SLC1A2: variants seen among roughly 807,000 people sequenced by gnomAD.
The protein encoded by SLC1A2 is solute carrier family 1 member 2, also known as excitatory amino acid transporter 2.
A neutral mutation model predicts 48.8 loss-of-function variants in SLC1A2; 15 were observed. That is an observed-to-expected ratio of 0.31 (90% CI 0.21 to 0.47). SLC1A2 has a LOEUF of 0.47. SLC1A2 is among the 20% of genes least tolerant of loss of function. SLC1A2 has a pLI of 0.99. For missense variants in SLC1A2, 502 were observed against 730.5 expected (o/e 0.69, Z 3.61); for synonymous variants, 279 against 272.6 (o/e 1.02, Z -0.23).
chr11:35,323,963 G>A (rs550625355), intron 1 of SLC1A2, among the ~76,000 whole-genome samples: 1 of 152,300 alleles, frequency 6.6e-6, no homozygotes, highest in African/African-American at 2.4e-5. Flanking sequence ...CAGTCAAACA[G>A]GTAAACTGGC....
chr11:35,315,005 C>T lies in SLC1A2; in HGVS notation c.310+18G>A, dbSNP rs949441092. 1.9e-6 allele frequency: 3 copies of T among 1,601,062 alleles called. No homozygotes were observed. The African/African-American group carries it at 4.0e-5, about 21-fold the overall frequency. ...GAGTATGACCCATGTTAGCCAGGCA[C>T]TAGTGAGGTAGTCTTACCTGTGATT... On this transcript the variant is annotated intron_variant, in intron 3 of 10. Transcript: ENST00000278379.
intron 9 of SLC1A2, among the ~76,000 whole-genome samples, chr11:35,273,036 T>C (rs1850328719): frequency 6.6e-6 from 1 of 152,218 alleles, no homozygotes. Flanking sequence ...CTGAGGGAGC[T>C]GTCACCCACA....
At chr11:35,394,052 C>A (rs926561692) in intron 1 of SLC1A2, among the ~76,000 whole-genome samples, 11 of 152,148 alleles carry the variant, frequency 7.2e-5, no homozygotes, top group African/African-American at 2.7e-4. Context: ...CCTCCCTTGG[C>A]AATTTTCAAG....
chr11:35,413,008 T>C (rs1468961505), intron 1 of SLC1A2, among the ~76,000 whole-genome samples: 1 of 151,798 alleles, frequency 6.6e-6, no homozygotes, highest in Non-Finnish European at 1.5e-5. Flanking sequence ...GCTTGAAAGA[T>C]CTTTTTTTTT....
rs1338154597 is a variant in SLC1A2 at position 35,254,541 on chromosome 11, A to G, written c.*6353T>C. On this transcript the variant is annotated 3_prime_UTR_variant, in exon 11 of 11. Transcript: ENST00000278379. ...GTATTTGCCCCCTAGCAAAGGCAAC[A>G]GGCTGTTTCCAGGCAGGCAAAATGG... The G allele has an allele frequency of 6.8e-6, 2 of 295,340 alleles. No individual in the cohort carries two copies. The highest frequency in any genetic ancestry group is 4.5e-5 in the African/African-American group (2 of 44,798). 18.3% of individuals were successfully genotyped at this position (295,340 alleles called of 1,614,324 possible).
At chr11:35,263,094 A>C (rs185384098) in intron 10 of SLC1A2, among the ~76,000 whole-genome samples, 1 of 152,268 alleles carries the variant, frequency 6.6e-6, no homozygotes, top group East Asian at 1.9e-4. Flanking sequence ...ACAAAGCCTT[A>C]CTCCTAATGA....
chr11:35,337,765 T>C lies in SLC1A2; in HGVS notation c.18-20249A>G, dbSNP rs192071462. Among the ~76,000 whole-genome samples, 285 of 152,270 alleles carry C rather than the reference T, an allele frequency of 1.9e-3. 1 individual carries two copies. Among genetic ancestry groups the C allele is most frequent in the Admixed American group, 5.8e-3 (89 of 15,294 alleles). On this transcript the variant is annotated intron_variant, in intron 1 of 10. Coordinates refer to ENST00000278379, the MANE Select transcript of SLC1A2 (RefSeq NM_004171.4). The stretch of plus-strand genomic sequence containing the variant: ...CTTATCTGAGCCTAAGACTCATCTA[T>C]AAAATGAGATGTTTGAGTTGGATGC...
At position 35,252,030 on chromosome 11, in the gene SLC1A2, A is replaced by G. The variant is rs1950246195; in HGVS notation, c.*8864T>C. ...TAGGTAGAGAACGTCATACTCCCTCATATATGTGGGACCTGTGTTCATCAG... is the reference window on the plus strand; with the variant it reads ...TAGGTAGAGAACGTCATACTCCCTCGTATATGTGGGACCTGTGTTCATCAG... On this transcript the variant is annotated 3_prime_UTR_variant, in exon 11 of 11. Transcript: ENST00000278379. The G allele has an allele frequency of 6.6e-6, 1 of 152,592 alleles. No homozygotes were observed. The highest frequency in any genetic ancestry group is 6.6e-5 in the Admixed American group (1 of 15,254). 9.5% of individuals were successfully genotyped at this position (152,592 alleles called of 1,614,324 possible).
chr11:35,265,319 A>G, intron 10 of SLC1A2: 1 of 559,690 alleles, frequency 1.8e-6, no homozygotes, highest in Non-Finnish European at 3.1e-6. Context: ...CAACTGATTG[A>G]CTCTTTCTCC....
chr11:35,353,547 G>T (rs1192028921), intron 1 of SLC1A2, among the ~76,000 whole-genome samples: 2 of 152,180 alleles, frequency 1.3e-5, no homozygotes, highest in African/African-American at 4.8e-5. Flanking sequence ...GCACAATAGG[G>T]TTTCCAATAA....
intron 9 of SLC1A2, among the ~76,000 whole-genome samples, chr11:35,277,238 T>C (rs1850469338): frequency 6.6e-6 from 1 of 152,184 alleles, no homozygotes; most frequent in African/African-American, 2.4e-5. Flanking sequence ...TCTCCAACCG[T>C]TCCAACTCTG....
chr11:35,404,485 G>A (rs1590281844), intron 1 of SLC1A2: 1 of 152,242 alleles, frequency 6.6e-6, no homozygotes, highest in East Asian at 1.9e-4. Context: ...TGTAGCCTTG[G>A]CCTCCAGAGA....
intron 1 of SLC1A2, among the ~76,000 whole-genome samples, chr11:35,381,296 C>T (rs1016548369): frequency 3.3e-5 from 5 of 152,110 alleles, no homozygotes; most frequent in African/African-American, 9.7e-5. Flanking sequence ...TTCTCTGGGC[C>T]TCTTCCTAGA....
chr11:35,410,586 A>C (rs971594802), intron 1 of SLC1A2, among the ~76,000 whole-genome samples: 1 of 152,136 alleles, frequency 6.6e-6, no homozygotes, highest in Non-Finnish European at 1.5e-5. Context: ...TTCAGGACTG[A>C]ATGATTCATT....
chr11:35,374,292 GC>G, intron 1 of SLC1A2: 1 of 1,030,716 alleles, frequency 9.7e-7, no homozygotes, highest in Non-Finnish European at 1.5e-6. Flanking sequence ...CAGGGATGTG[GC>G]CACAGAATTC....
intron 1 of SLC1A2, among the ~76,000 whole-genome samples, chr11:35,390,045 C>G (rs931727575): frequency 1.3e-5 from 2 of 152,276 alleles, no homozygotes; most frequent in African/African-American, 4.8e-5. Context: ...TTTAAATGGT[C>G]ACTATGACAT....
At chr11:35,336,283 A>T (rs535383638) in intron 1 of SLC1A2, among the ~76,000 whole-genome samples, 1 of 152,182 alleles carries the variant, frequency 6.6e-6, no homozygotes, top group Non-Finnish European at 1.5e-5. Context: ...TTACCTATGT[A>T]ACAAACCTGC....
In SLC1A2 at chr11:35,405,784, A is replaced by C. The variant is rs116595166; in HGVS notation, c.17+13166T>G. Among the ~76,000 whole-genome samples, 904 of 152,208 alleles carry C rather than the reference A, an allele frequency of 5.9e-3. 10 individuals carry two copies. The highest frequency in any genetic ancestry group is 0.021 in the African/African-American group (880 of 41,530). ...CTTGTAACCTCCTTGAACCCTATTA[A>C]CCCCTAGCAAAGGGTAATTATTGAC... On this transcript the variant is annotated intron_variant, in intron 1 of 10. Transcript: ENST00000278379.
At chr11:35,373,234 T>C (rs1854115581) in intron 1 of SLC1A2, among the ~76,000 whole-genome samples, 1 of 152,208 alleles carries the variant, frequency 6.6e-6, no homozygotes, top group Non-Finnish European at 1.5e-5. Flanking sequence ...CCACCCCTGC[T>C]CCTGCTCACT....
Sources: allele counts gnomAD v4.1 joint callset (sites outside exome capture counted in the v4.1 genomes callset), GRCh38; gene constraint gnomAD v4.1.1; transcripts MANE v1.5; gene names NCBI Gene and HGNC (gene_info 2026-07-23, HGNC 2026-07-21).